DISC1: variants seen among roughly 807,000 people sequenced by gnomAD.
DISC1 encodes DISC1 scaffold protein, also known as disrupted in schizophrenia 1 protein.
A neutral mutation model predicts 84.5 loss-of-function variants in DISC1; 57 were observed. The ratio of observed to expected loss-of-function variants is 0.67; its 90% CI spans 0.55 to 0.84. The LOEUF is 0.84. DISC1 is among the 40% of genes least tolerant of loss of function. DISC1 has a pLI of 0.00. For missense variants in DISC1, 1,000 were observed against 1,057.8 expected (o/e 0.95, Z 0.76); for synonymous variants, 411 against 415.2 (o/e 0.99, Z 0.12).
intron 9 of DISC1, among the ~76,000 whole-genome samples, chr1:231,911,222 T>A (rs987561325): frequency 2.0e-5 from 3 of 152,212 alleles, no homozygotes; most frequent in Non-Finnish European, 2.9e-5. Context: ...GTCATTACGA[T>A]GTTTGCTGGT....
intron 8 of DISC1, among the ~76,000 whole-genome samples, chr1:231,814,319 T>C (rs1455923404): frequency 6.6e-6 from 1 of 152,184 alleles, no homozygotes; most frequent in Non-Finnish European, 1.5e-5. Flanking sequence ...AATATGAATT[T>C]CAGTGAACAT....
intron 4 of DISC1, 118 bp from the exon 5 acceptor site, chr1:231,767,022 T>G: frequency 1.5e-6 from 2 of 1,339,414 alleles, no homozygotes; most frequent in Non-Finnish European, 2.1e-6. Flanking sequence ...GTAAGTACCC[T>G]CCTAAGTATG....
In DISC1 at chr1:231,963,646, C is replaced by T. The variant is rs1377994683; in HGVS notation, c.2042+4758C>T. 3.9e-5 allele frequency among the ~76,000 whole-genome samples: 6 copies of T among 152,168 alleles called. No individual in the cohort carries two copies. The East Asian group carries it at 1.2e-3, about 29-fold the overall frequency. On this transcript the variant is annotated intron_variant, in intron 10 of 12. Coordinates refer to ENST00000439617, the MANE Select transcript of DISC1 (RefSeq NM_018662.3). ...GCTTGCAATGATTTATTCTCACTTT[C>T]CAAGTGCTCCTTGACAGGTATTATA...
At chr1:231,907,106 C>CCT (rs1371936924) in intron 9 of DISC1, among the ~76,000 whole-genome samples, 1 of 84,880 alleles carries the variant, frequency 1.2e-5, no homozygotes, top group Non-Finnish European at 2.2e-5. Context: ...CTCCTTCCTT[C>CCT]TCTCCTTCCT....
chr1:231,894,857 TA>T (rs1323320950), intron 9 of DISC1, among the ~76,000 whole-genome samples: 1 of 151,130 alleles, frequency 6.6e-6, no homozygotes, highest in Admixed American at 6.6e-5. Flanking sequence ...ATAATTGCTA[TA>T]GCATTAGAGG....
intron 1 of DISC1, among the ~76,000 whole-genome samples, chr1:231,629,944 A>T (rs554349895): frequency 8.9e-4 from 135 of 152,200 alleles, no homozygotes; most frequent in African/African-American, 3.2e-3. Flanking sequence ...CAATATATAT[A>T]TTTTTTGAGA....
chr1:231,773,626 T>C (rs557430155), intron 6 of DISC1, among the ~76,000 whole-genome samples: 93 of 152,284 alleles, frequency 6.1e-4, no homozygotes, highest in Non-Finnish European at 9.7e-4. Context: ...CCTCATGATC[T>C]GCCCTCCTTG....
intron 9 of DISC1, among the ~76,000 whole-genome samples, chr1:231,892,035 A>T (rs2087269556): frequency 6.6e-6 from 1 of 152,124 alleles, no homozygotes; most frequent in Admixed American, 6.5e-5. Flanking sequence ...CCTCAAAGAG[A>T]AAGTCCCTGC....
rs185376221 is a variant in DISC1, at chr1:231,851,078, C to T, written c.1981+32561C>T. 2.2e-3 allele frequency among the ~76,000 whole-genome samples: 335 copies of T among 152,298 alleles called. 3 individuals are homozygous for T. The highest frequency in any genetic ancestry group is 7.6e-3 in the African/African-American group (316 of 41,554). ...TGACTTCTAAAGGGGGCCTGCCTTC[C>T]ACAGGACGAGCACTTACTGAGCGCT... On this transcript the variant is annotated intron_variant, in intron 9 of 12. Transcript: ENST00000439617.
intron 1 of DISC1, among the ~76,000 whole-genome samples, chr1:231,691,475 G>C (rs2065006384): frequency 6.6e-6 from 1 of 151,898 alleles, no homozygotes; most frequent in East Asian, 1.9e-4. Flanking sequence ...AGGCTATTCA[G>C]GCTGAAGTGC....
chr1:231,972,413 G>T (rs1407658925), intron 10 of DISC1, among the ~76,000 whole-genome samples: 1 of 152,210 alleles, frequency 6.6e-6, no homozygotes, highest in Non-Finnish European at 1.5e-5. Context: ...TCAACTGGAA[G>T]AGTTTAGTCA....
intron 9 of DISC1, among the ~76,000 whole-genome samples, chr1:231,868,279 C>T (rs879382159): frequency 2.0e-5 from 3 of 151,912 alleles, no homozygotes; most frequent in African/African-American, 4.8e-5. Context: ...CCGTATTTTC[C>T]CTCCCCTTTT....
chr1:231,797,440 G>C (rs2078846021), intron 7 of DISC1, among the ~76,000 whole-genome samples: 1 of 152,170 alleles, frequency 6.6e-6, no homozygotes, highest in African/African-American at 2.4e-5. Flanking sequence ...TTGAAGCCTG[G>C]AAGTCTGGGA....
At chr1:231,965,349 T>C (rs985753156) in intron 10 of DISC1, among the ~76,000 whole-genome samples, 3 of 152,224 alleles carry the variant, frequency 2.0e-5, no homozygotes, top group African/African-American at 7.2e-5. Context: ...CCACCTGTTT[T>C]AGGAATATCC....
At chr1:231,658,422 A>G (rs545214023) in intron 1 of DISC1, among the ~76,000 whole-genome samples, 1 of 152,340 alleles carries the variant, frequency 6.6e-6, no homozygotes, top group African/African-American at 2.4e-5. Flanking sequence ...TGTCATCTGC[A>G]AACAAAGATA....
chr1:231,993,371 C>T (rs886669323), intron 10 of DISC1, among the ~76,000 whole-genome samples: 1 of 150,884 alleles, frequency 6.6e-6, no homozygotes, highest in Non-Finnish European at 1.5e-5. Flanking sequence ...TGGAGCAATA[C>T]TAGATGGGAT....
rs923377166 is a variant in DISC1, at chr1:231,998,441, G to A, written c.2043-10344G>A. On this transcript the variant is annotated intron_variant, in intron 10 of 12. Coordinates refer to ENST00000439617, the MANE Select transcript of DISC1 (RefSeq NM_018662.3). ...AAAACAGGATAGAAAAAAAGGTGAT[G>A]GGCATACCTCAATAGGTTGTAATAA... 5.3e-5 allele frequency among the ~76,000 whole-genome samples: 8 copies of A among 152,120 alleles called. 1 individual carries two copies. The highest frequency in any genetic ancestry group is 4.1e-4 in the South Asian group (2 of 4,824).
chr1:231,633,609 G>A (rs893199081), intron 1 of DISC1, among the ~76,000 whole-genome samples: 2 of 152,126 alleles, frequency 1.3e-5, no homozygotes, highest in African/African-American at 4.8e-5. Flanking sequence ...TCATCTGCCC[G>A]AATGTCGTAG....
chr1:231,839,144 C>G (rs940818116), intron 9 of DISC1, among the ~76,000 whole-genome samples: 5 of 152,044 alleles, frequency 3.3e-5, no homozygotes, highest in Non-Finnish European at 7.4e-5. Flanking sequence ...ATGGAAGGGG[C>G]AGAAATAGTG....
Sources: allele counts gnomAD v4.1 joint callset (sites outside exome capture counted in the v4.1 genomes callset), GRCh38; gene constraint gnomAD v4.1.1; transcripts MANE v1.5; gene names NCBI Gene and HGNC (gene_info 2026-07-23, HGNC 2026-07-21).